Variants in NOX4 observed in about 807,000 individuals in gnomAD.
NOX4 encodes the protein NADPH oxidase 4.
In NOX4, 69 loss-of-function variants were observed where a neutral mutation model predicts 87.6. The observed-to-expected ratio is 0.79, with a 90% CI of 0.65 to 0.96. The LOEUF (loss-of-function observed/expected upper bound fraction) is 0.96, where lower values mean the gene tolerates loss of function less well. Among genes scored for constraint, NOX4 ranks in the 40% least tolerant of loss-of-function variants. NOX4 has a pLI of 0.00. For synonymous variants in NOX4, 275 were observed against 238.2 expected (o/e 1.15, Z -1.42); for missense variants, 680 against 681.5 (o/e 1.00, Z 0.02).
At chr11:89,418,035 G>C (rs1039173622) in intron 8 of NOX4, among the ~76,000 whole-genome samples, 1 of 151,880 alleles carries the variant, frequency 6.6e-6, no homozygotes, top group Non-Finnish European at 1.5e-5. Flanking sequence ...CATCTTTTTA[G>C]GGTGGCATGC....
chr11:89,589,278 T>C, the NOX4 span, among the ~76,000 whole-genome samples: 1 of 152,170 alleles, frequency 6.6e-6, no homozygotes, highest in African/African-American at 2.4e-5. Context: ...TACTTGGATG[T>C]TGATTAAAAA....
intron 11 of NOX4, among the ~76,000 whole-genome samples, chr11:89,397,601 CAAATAGATGTAATAA>C: frequency 6.6e-6 from 1 of 151,936 alleles, no homozygotes; most frequent in East Asian, 1.9e-4. Context: ...AGAGAAGAAT[CAAATAGATGTAATAA>C]AAATAATAAA....
chr11:89,403,935 T>A (rs535565398), intron 8 of NOX4, among the ~76,000 whole-genome samples: 1 of 152,254 alleles, frequency 6.6e-6, no homozygotes, highest in East Asian at 1.9e-4. Flanking sequence ...CACTTCCTTT[T>A]TTAAATTTTA....
At chr11:89,543,870 AC>A in the NOX4 span, among the ~76,000 whole-genome samples, 14 of 152,252 alleles carry the variant, frequency 9.2e-5, no homozygotes, top group African/African-American at 2.9e-4. Context: ...AGAATTATAC[AC>A]ATTTTATTAA....
chr11:89,503,401 T>C, the NOX4 span, among the ~76,000 whole-genome samples: 3 of 151,958 alleles, frequency 2.0e-5, no homozygotes, highest in Admixed American at 6.6e-5. Context: ...ATGGGGAACA[T>C]TGGAATAATA....
At chr11:89,538,598 G>T in the NOX4 span, among the ~76,000 whole-genome samples, 1 of 152,232 alleles carries the variant, frequency 6.6e-6, no homozygotes, top group African/African-American at 2.4e-5. Context: ...AAATAGAAAA[G>T]GATGCTTCAC....
the NOX4 span, among the ~76,000 whole-genome samples, chr11:89,574,601 C>T: frequency 2.6e-5 from 4 of 152,128 alleles, no homozygotes; most frequent in African/African-American, 9.7e-5. Context: ...CTATAATGAC[C>T]TTTTACAAGG....
At chr11:89,505,928 G>C in the NOX4 span, among the ~76,000 whole-genome samples, 1 of 151,754 alleles carries the variant, frequency 6.6e-6, no homozygotes, top group Non-Finnish European at 1.5e-5. Context: ...GAAGAATAGT[G>C]ATCCCTGAAA....
intron 2 of NOX4, among the ~76,000 whole-genome samples, chr11:89,472,573 C>T (rs954948615): frequency 6.6e-6 from 1 of 152,008 alleles, no homozygotes; most frequent in Admixed American, 6.6e-5. Flanking sequence ...TGACATTCTT[C>T]CATTTTCAGT....
intron 13 of NOX4, among the ~76,000 whole-genome samples, chr11:89,343,877 TA>T (rs1488425183): frequency 6.6e-6 from 1 of 152,068 alleles, no homozygotes; most frequent in East Asian, 1.9e-4. Context: ...ATTCTAAGAA[TA>T]AGAGATATCT....
the NOX4 span, among the ~76,000 whole-genome samples, chr11:89,525,063 A>ATAAC: frequency 6.6e-5 from 10 of 152,164 alleles, no homozygotes; most frequent in South Asian, 1.9e-3. Flanking sequence ...CCATTATATG[A>ATAAC]ATATAATGCA....
chr11:89,430,760 G>A (rs535637818), intron 7 of NOX4, among the ~76,000 whole-genome samples: 18 of 152,230 alleles, frequency 1.2e-4, no homozygotes, highest in African/African-American at 3.6e-4. Context: ...AATCAATATC[G>A]TGAAAATGGC....
chr11:89,559,959 C>A, the NOX4 span, among the ~76,000 whole-genome samples: 1 of 152,194 alleles, frequency 6.6e-6, no homozygotes, highest in Admixed American at 6.6e-5. Context: ...TTGTGTCCTG[C>A]AGAAATATAT....
chr11:89,434,495 G>C (rs755090531), intron 6 of NOX4, among the ~76,000 whole-genome samples: 1 of 151,894 alleles, frequency 6.6e-6, no homozygotes, highest in Admixed American at 6.6e-5. Context: ...CCAGTTGTAA[G>C]AGATGGGTAA....
chr11:89,579,558 A>G, the NOX4 span, among the ~76,000 whole-genome samples: 1 of 152,200 alleles, frequency 6.6e-6, no homozygotes, highest in Non-Finnish European at 1.5e-5. Context: ...CATAGAATAT[A>G]CAACATAAAG....
At chr11:89,462,431 A>G (rs1471679199) in intron 2 of NOX4, among the ~76,000 whole-genome samples, 2 of 152,170 alleles carry the variant, frequency 1.3e-5, no homozygotes, top group African/African-American at 2.4e-5. Context: ...AAAGAAAAGG[A>G]GAAATAATTT....
At chr11:89,418,422 G>GAATGAT (rs1942905069) in intron 8 of NOX4, among the ~76,000 whole-genome samples, 1 of 139,752 alleles carries the variant, frequency 7.2e-6, no homozygotes, top group African/African-American at 2.6e-5. Context: ...TGAACATTGA[G>GAATGAT]AATAATAATA....
rs1945226509 is a variant in NOX4, at chr11:89,326,532, T to C, written c.*224A>G. The C allele has an allele frequency of 2.8e-6, 1 of 360,634 alleles. No individual in the cohort carries two copies. The highest frequency in any genetic ancestry group is 7.9e-4 in the Middle Eastern group (1 of 1,270). The allele number at this position is 360,634 out of a possible 1,614,324, so 22.3% of individuals were successfully genotyped here. Reference sequence around the variant, plus strand: ...TTCTTTTAATTTGAGAACTGAAAAGTGAATCATCACATCAAATATTCTTCA... The same window carrying C: ...TTCTTTTAATTTGAGAACTGAAAAGCGAATCATCACATCAAATATTCTTCA... On this transcript the variant is annotated 3_prime_UTR_variant, in exon 18 of 18. Transcript: ENST00000263317.
chr11:89,417,202 T>A (rs1030521099), intron 8 of NOX4, among the ~76,000 whole-genome samples: 1 of 152,112 alleles, frequency 6.6e-6, no homozygotes, highest in Non-Finnish European at 1.5e-5. Flanking sequence ...AGGAGCTGGG[T>A]TGGGCTCTTA....
Sources: allele counts gnomAD v4.1 joint callset (sites outside exome capture counted in the v4.1 genomes callset), GRCh38; gene constraint gnomAD v4.1.1; transcripts MANE v1.5; gene names NCBI Gene and HGNC (gene_info 2026-07-23, HGNC 2026-07-21).